Variants in WASL observed in about 807,000 individuals in gnomAD.
WASL encodes the protein actin nucleation-promoting factor WASL.
In WASL, 20 loss-of-function variants were observed where a neutral mutation model predicts 55.5. The observed-to-expected ratio is 0.36, with a 90% confidence interval of 0.25 to 0.52. The LOEUF (loss-of-function observed/expected upper bound fraction) is 0.52, where lower values mean the gene tolerates loss of function less well. Among genes scored for constraint, WASL ranks in the 20% least tolerant of loss-of-function variants. The pLI is 0.92. For synonymous variants in WASL, 249 were observed against 217.6 expected, an observed-to-expected ratio of 1.14 and a Z score of -1.27; for missense variants, 504 against 622.5, an observed-to-expected ratio of 0.81 and a Z score of 2.03.
chr7:123,682,102 ACAAT>A lies in WASL; in HGVS notation c.*2413_*2416del. 6.6e-6 allele frequency: 1 copy of A among 152,262 alleles called. No homozygotes were observed. The highest frequency in any genetic ancestry group is 1.5e-5 in the Non-Finnish European group (1 of 67,992). The allele number at this position is 152,262 out of a possible 1,614,324, so 9.4% of individuals were successfully genotyped here. A position where few individuals can be genotyped will look rare whatever the true frequency, so the allele number is the denominator to read the frequency against. ...GAAAGTCTTTATGAATCTCATACAT[ACAAT>A]ATGTGGCTAGCTGAAATTGTCTATC... On this transcript the variant is annotated 3_prime_UTR_variant, in exon 11 of 11. Coordinates refer to ENST00000223023, the MANE Select transcript of WASL (RefSeq NM_003941.4).
intron 1 of WASL, among the ~76,000 whole-genome samples, chr7:123,747,976 TG>T (rs77279453): frequency 0.011 from 1,678 of 150,936 alleles, 32 homozygotes; most frequent in African/African-American, 0.036. Flanking sequence ...CTCCCACCAA[TG>T]GGGGGAAAAA....
chr7:123,696,025 G>C (rs1309566055), intron 6 of WASL, among the ~76,000 whole-genome samples, 160 bp from the exon 7 acceptor site: 1 of 151,988 alleles, frequency 6.6e-6, no homozygotes, highest in Non-Finnish European at 1.5e-5. Flanking sequence ...TATGTACAAG[G>C]AGTCAGAAGA....
chr7:123,692,739 T>A lies in WASL; in HGVS notation c.955A>T (p.Thr319Ser). 1 of 1,508,568 alleles carries A rather than the reference T, an allele frequency of 6.6e-7. No homozygotes were observed. Among genetic ancestry groups the A allele is most frequent in the Non-Finnish European group, 8.8e-7 (1 of 1,130,778 alleles). The allele number at this position is 1,508,568 out of a possible 1,614,324, so 93.4% of individuals were successfully genotyped here. A position where few individuals can be genotyped will look rare whatever the true frequency, so the allele number is the denominator to read the frequency against. ...GGAGGCGGTGGTGGAGGTGCAGCTG[T>A]GGGAGCTCTTGAAGGTGGTGGGGGA... is the stretch of plus-strand genomic sequence containing the variant. ...APPPPPSRAP[T>S]AAPPPPPPSR... is the part of the protein sequence containing the mutation. The change falls in exon 9 of 11, where the codon ACA becomes TCA. Residue 319 changes from threonine (T) to serine (S), a missense_variant. Coordinates refer to ENST00000223023, the MANE Select transcript of WASL (RefSeq NM_003941.4).
Position 123,684,492 on chromosome 7 carries a change from A to AATAT in WASL, c.*23_*26dup, listed in dbSNP as rs5887151. ...GTAGTGTTTAGTATTTCACCTTAAAAATATATATATATATATAATATATAG... is the reference window on the plus strand; with the variant it reads ...GTAGTGTTTAGTATTTCACCTTAAAAATATATATATATATATATATAATATATAG... On this transcript the variant is annotated 3_prime_UTR_variant, in exon 11 of 11. Transcript: ENST00000223023. 4 of 511,000 alleles carry AATAT rather than the reference A, an allele frequency of 7.8e-6. No individual in the cohort carries two copies. The highest frequency in any genetic ancestry group is 6.2e-5 in the African/African-American group (3 of 48,754). The allele number at this position is 511,000 out of a possible 1,614,324, so 31.7% of individuals were successfully genotyped here. A position where few individuals can be genotyped will look rare whatever the true frequency, so the allele number is the denominator to read the frequency against.
At chr7:123,725,202 G>C (rs1041587236) in intron 1 of WASL, among the ~76,000 whole-genome samples, 3 of 152,062 alleles carry the variant, frequency 2.0e-5, no homozygotes. Flanking sequence ...TTTTCAAGAC[G>C]GTCTTAAAAA....
chr7:123,726,266 T>C (rs1804037766), intron 1 of WASL, among the ~76,000 whole-genome samples: 1 of 152,200 alleles, frequency 6.6e-6, no homozygotes, highest in Admixed American at 6.5e-5. Context: ...AAGGCTTTTT[T>C]ACCAAATGGT....
chr7:123,689,825 T>C (rs13244694), intron 9 of WASL, among the ~76,000 whole-genome samples: 69,117 of 151,454 alleles, frequency 0.46, 16,035 homozygotes, highest in South Asian at 0.66. Context: ...CATAGCTGTA[T>C]TAAATAATTA....
intron 1 of WASL, among the ~76,000 whole-genome samples, chr7:123,731,724 A>T (rs1311932932): frequency 6.6e-6 from 1 of 152,236 alleles, no homozygotes; most frequent in Non-Finnish European, 1.5e-5. Flanking sequence ...GAGAAATTTT[A>T]AAATATTCTA....
At chr7:123,745,021 A>G (rs1804408889) in intron 1 of WASL, among the ~76,000 whole-genome samples, 1 of 152,196 alleles carries the variant, frequency 6.6e-6, no homozygotes. Context: ...CTCCTCCATG[A>G]AGCCAATCAC....
intron 10 of WASL, among the ~76,000 whole-genome samples, chr7:123,688,825 T>A (rs970620917): frequency 1.7e-4 from 26 of 152,334 alleles, no homozygotes; most frequent in African/African-American, 6.3e-4. Context: ...ATGGCTGTGG[T>A]GGTGTTGCAT....
At chr7:123,742,865 C>G (rs565292387) in intron 1 of WASL, among the ~76,000 whole-genome samples, 10 of 152,112 alleles carry the variant, frequency 6.6e-5, no homozygotes, top group Non-Finnish European at 1.5e-4. Context: ...TAGATATATG[C>G]TATATTAGTC....
In WASL at chr7:123,692,690, G is replaced by C; in HGVS notation, c.1004C>G (p.Pro335Arg). Residue 335 changes from proline to arginine, a missense_variant, in exon 9 of 11, where the codon CCT (proline) becomes CGT (arginine). Pro to Arg is a moderately radical substitution (Grantham distance 103). Around this residue, in one of 5 missense-constraint regions of WASL, gnomAD observed 201 missense variants for 206.2 expected, o/e 0.97. Coordinates refer to ENST00000223023, the MANE Select transcript of WASL (RefSeq NM_003941.4). ...GTACATCCTATTTGGCGGTGGTGGA[G>C]GGACTGCTACACTTGGCCTGGAAGG... ...PPPSRPSVAV[P>R]PPPPNRMYPP... is the part of the protein sequence containing the mutation. The C allele has an allele frequency of 6.5e-7, 1 of 1,531,492 alleles. No homozygotes were observed. The highest frequency in any genetic ancestry group is 8.8e-7 in the Non-Finnish European group (1 of 1,142,618). 94.9% of individuals were successfully genotyped at this position (1,531,492 alleles called of 1,614,324 possible).
At chr7:123,720,376 AATG>A (rs1198137123) in intron 1 of WASL, 4 of 441,938 alleles carry the variant, frequency 9.1e-6, no homozygotes, top group South Asian at 6.5e-5. Context: ...TTATTCAAGT[AATG>A]ATAAGATGAA....
At chr7:123,708,273 C>T (rs1462112506) in intron 2 of WASL, among the ~76,000 whole-genome samples, 1 of 152,070 alleles carries the variant, frequency 6.6e-6, no homozygotes, top group Non-Finnish European at 1.5e-5. Flanking sequence ...CATAACAAAC[C>T]AAGATGGTTA....
chr7:123,716,956 A>C (rs966605207), intron 1 of WASL, among the ~76,000 whole-genome samples: 7 of 152,188 alleles, frequency 4.6e-5, no homozygotes, highest in African/African-American at 1.7e-4. Context: ...TCAGCTGCTA[A>C]TTCTATACTC....
intron 1 of WASL, among the ~76,000 whole-genome samples, chr7:123,741,260 CATTA>C (rs976318731): frequency 3.1e-4 from 47 of 152,080 alleles, no homozygotes; most frequent in Admixed American, 2.7e-3. Flanking sequence ...ACATTTATTT[CATTA>C]ATTAATATTA....
chr7:123,717,417 T>C (rs940132136), intron 1 of WASL, among the ~76,000 whole-genome samples: 7 of 152,242 alleles, frequency 4.6e-5, no homozygotes, highest in Non-Finnish European at 8.8e-5. Flanking sequence ...CTGAAGATGA[T>C]CGTGGTACTT....
In WASL at chr7:123,682,952, C is replaced by T. The variant is rs149514540; in HGVS notation, c.*1567G>A. On this transcript the variant is annotated 3_prime_UTR_variant, in exon 11 of 11. Coordinates refer to ENST00000223023, the MANE Select transcript of WASL (RefSeq NM_003941.4). Reference sequence around the variant, plus strand: ...TTACTGCACCACTTACTGCTTTCAGCAACAAAACCTTTTAAATTATTTCTT... The same window carrying T: ...TTACTGCACCACTTACTGCTTTCAGTAACAAAACCTTTTAAATTATTTCTT... The T allele has an allele frequency of 1.8e-4, 28 of 152,172 alleles. No homozygotes were observed. The highest frequency in any genetic ancestry group is 1.1e-3 in the Admixed American group (17 of 15,272). The allele number at this position is 152,172 out of a possible 1,614,324, so 9.4% of individuals were successfully genotyped here. A position where few individuals can be genotyped will look rare whatever the true frequency, so the allele number is the denominator to read the frequency against.
intron 1 of WASL, among the ~76,000 whole-genome samples, chr7:123,716,692 A>G (rs1255984373): frequency 6.6e-6 from 1 of 151,896 alleles, no homozygotes; most frequent in Non-Finnish European, 1.5e-5. Flanking sequence ...AGGAAGGGGG[A>G]GAGAAAGAGA....
Sources: allele counts gnomAD v4.1 joint callset (sites outside exome capture counted in the v4.1 genomes callset), GRCh38; gene constraint gnomAD v4.1.1; regional missense constraint gnomAD v4.1.1; transcripts MANE v1.5; gene names NCBI Gene and HGNC (gene_info 2026-07-23, HGNC 2026-07-21).